LAMA3: variants seen among roughly 807,000 people sequenced by gnomAD.
The protein encoded by LAMA3 is laminin subunit alpha 3.
A neutral mutation model predicts 402.0 loss-of-function variants in LAMA3; 281 were observed. That is an observed-to-expected ratio of 0.70 (90% CI 0.63 to 0.77). The LOEUF (loss-of-function observed/expected upper bound fraction) is 0.77, where lower values mean the gene tolerates loss of function less well. LAMA3 is among the 30% of genes least tolerant of loss of function. The pLI is 0.00. For synonymous variants in LAMA3, 1,431 were observed against 1,558.4 expected (o/e 0.92, Z 1.93); for missense variants, 3,840 against 4,215.5 (o/e 0.91, Z 2.47).
chr18:23,902,189 A>G (rs1275723879), intron 48 of LAMA3, among the ~76,000 whole-genome samples: 2 of 152,044 alleles, frequency 1.3e-5, no homozygotes, highest in Non-Finnish European at 2.9e-5. Context: ...AGCTGGTCAT[A>G]GTGGCATGAG....
chr18:23,871,555 T>G lies in LAMA3; in HGVS notation c.4892T>G (p.Leu1631Arg). 3 of 1,614,242 alleles carry G rather than the reference T, an allele frequency of 1.9e-6. No homozygotes were observed. The highest frequency in any genetic ancestry group is 2.5e-6 in the Non-Finnish European group (3 of 1,180,040). ...LYFTETQRLT[L>R]SEVGLEEASD... is the part of the protein sequence containing the mutation. ...TTCACAGAGACTCAAAGGCTCACCC[T>G]GAGCGAGGTGGGGCTAGAGGAAGCC... Residue 1631 changes from leucine (L) to arginine (R), a missense_variant, in exon 38 of 75, where the codon CTG (leucine) becomes CGG (arginine). Transcript: ENST00000313654.
chr18:23,725,845 T>G (rs1337069590), intron 2 of LAMA3, among the ~76,000 whole-genome samples: 2 of 152,262 alleles, frequency 1.3e-5, no homozygotes, highest in African/African-American at 4.8e-5. Flanking sequence ...GCTGTTGCAC[T>G]TCTCTCTTTA....
chr18:23,865,452 TTA>T (rs1300188330), intron 36 of LAMA3, among the ~76,000 whole-genome samples: 1 of 152,196 alleles, frequency 6.6e-6, no homozygotes, highest in Non-Finnish European at 1.5e-5. Context: ...TAAGCATTTT[TTA>T]TGTTTCTATC....
At chr18:23,705,756 A>G (rs1049918155) in intron 1 of LAMA3, among the ~76,000 whole-genome samples, 1 of 152,070 alleles carries the variant, frequency 6.6e-6, no homozygotes, top group African/African-American at 2.4e-5. Context: ...GAGCTCAAGC[A>G]ATCCTCCCAC....
At chr18:23,924,230 CA>C (rs1297505448) in intron 62 of LAMA3, among the ~76,000 whole-genome samples, 1 of 152,172 alleles carries the variant, frequency 6.6e-6, no homozygotes, top group Non-Finnish European at 1.5e-5. Flanking sequence ...TGGCTCATTG[CA>C]ACCTCTGCCT....
chr18:23,889,894 C>T, intron 41 of LAMA3, 117 bp from the exon 42 acceptor site: 7 of 792,942 alleles, frequency 8.8e-6, no homozygotes, highest in South Asian at 2.7e-5. Flanking sequence ...AGATCTATGT[C>T]GGTCTTCCAC....
chr18:23,705,450 T>TACAC (rs35025245), intron 1 of LAMA3, among the ~76,000 whole-genome samples: 9,643 of 145,382 alleles, frequency 0.066, 518 homozygotes, highest in Admixed American at 0.18. Flanking sequence ...TATCATGACA[T>TACAC]ACACACACAC....
chr18:23,692,884 G>C (rs1568081416), intron 1 of LAMA3, among the ~76,000 whole-genome samples: 1 of 151,872 alleles, frequency 6.6e-6, no homozygotes, highest in Admixed American at 6.6e-5. Flanking sequence ...ATTGATACTA[G>C]CTTAACTTCA....
chr18:23,942,845 T>C (rs996079304), intron 68 of LAMA3, among the ~76,000 whole-genome samples: 2 of 152,156 alleles, frequency 1.3e-5, no homozygotes, highest in African/African-American at 2.4e-5. Context: ...CCCAAAGTGC[T>C]AGGATTTTCC....
intron 70 of LAMA3, 150 bp from the exon 71 acceptor site, chr18:23,949,615 A>C: frequency 2.6e-6 from 2 of 776,732 alleles, no homozygotes; most frequent in Non-Finnish European, 4.4e-6. Flanking sequence ...TTAGAACCTG[A>C]GTTTGAAGAA....
chr18:23,747,043 C>T (rs1598707811), intron 2 of LAMA3, among the ~76,000 whole-genome samples: 1 of 151,984 alleles, frequency 6.6e-6, no homozygotes, highest in Non-Finnish European at 1.5e-5. Context: ...GGGCTAGAGG[C>T]GAGTGCTCCT....
chr18:23,753,584 T>C (rs2061789600), intron 5 of LAMA3, 137 bp from the exon 6 acceptor site: 1 of 709,358 alleles, frequency 1.4e-6, no homozygotes, highest in Non-Finnish European at 2.6e-6. Context: ...ATAAGACATG[T>C]TACATCCCAA....
intron 2 of LAMA3, among the ~76,000 whole-genome samples, chr18:23,729,030 C>CA (rs10601046): frequency 2.4e-4 from 21 of 89,194 alleles, no homozygotes; most frequent in Non-Finnish European, 4.0e-4. Context: ...GACTCCGTCT[C>CA]AAAAAAAAAA....
chr18:23,905,577 A>T lies in LAMA3; in HGVS notation c.6671A>T (p.Asp2224Val). 6.2e-7 allele frequency: 1 copy of T among 1,611,812 alleles called. No homozygotes were observed. The highest frequency in any genetic ancestry group is 8.5e-7 in the Non-Finnish European group (1 of 1,178,244). Residue 2224 changes from aspartate to valine, a missense_variant, in exon 52 of 75, where the codon GAT becomes GTT. This residue lies in a region of LAMA3 where 891 missense variants were observed against 857.5 expected (regional missense o/e 1.04). Coordinates refer to ENST00000313654, the MANE Select transcript of LAMA3 (RefSeq NM_198129.4). ...GCTAAAACCCTGAGTTCCAACAGTG[A>T]TAAACTGTTAAATGAAGCCAAGATG... is the stretch of plus-strand genomic sequence containing the variant. ...RKAKTLSSNS[D>V]KLLNEAKMTQ... is the part of the protein sequence containing the mutation.
chr18:23,692,395 C>G (rs1002660207), intron 1 of LAMA3, among the ~76,000 whole-genome samples: 8 of 152,202 alleles, frequency 5.3e-5, no homozygotes, highest in Admixed American at 4.6e-4. Context: ...CCTCAGCCTC[C>G]CGAGTAGCTG....
chr18:23,846,218 C>T, intron 30 of LAMA3, 79 bp from the exon 31 acceptor site: 1 of 1,322,964 alleles, frequency 7.6e-7, no homozygotes, highest in Non-Finnish European at 1.1e-6. Flanking sequence ...CTGGGTGGAG[C>T]AGGTGGTAAA....
At chr18:23,874,063 G>A (rs940237681) in intron 38 of LAMA3, among the ~76,000 whole-genome samples, 4 of 152,102 alleles carry the variant, frequency 2.6e-5, no homozygotes, top group Non-Finnish European at 5.9e-5. Context: ...CTCTTGCAGA[G>A]TATATTTTCT....
chr18:23,823,992 G>C (rs1032771181), intron 20 of LAMA3, among the ~76,000 whole-genome samples: 6 of 152,044 alleles, frequency 3.9e-5, no homozygotes, highest in Non-Finnish European at 8.8e-5. Flanking sequence ...GAGCTATGAT[G>C]GCATCTGTGA....
chr18:23,861,497 G>A lies in LAMA3; in HGVS notation c.4423-149G>A, dbSNP rs8093035. On this transcript the variant is annotated intron_variant, in intron 34 of 74. Transcript: ENST00000313654. ...ATGGGTCAGACGGGGCTCTGGCTCG[G>A]GAGGGCAGGTGCAGGAGTAGACGCA... 64,272 of 805,618 alleles carry A rather than the reference G, an allele frequency of 0.08. 7,958 individuals are homozygous for A. The highest frequency in any genetic ancestry group is 0.42 in the African/African-American group (24,707 of 59,052). The allele number at this position is 805,618 out of a possible 1,614,324, so 49.9% of individuals were successfully genotyped here.
Sources: gnomAD v4.1 joint callset for allele counts (sites outside exome capture counted in the v4.1 genomes callset) on GRCh38, gnomAD v4.1.1 for gene constraint, gnomAD v4.1.1 regional missense constraint, MANE v1.5 for transcripts, NCBI Gene and HGNC (gene_info 2026-07-23, HGNC 2026-07-21) for gene names.